C1orf94: variants seen among roughly 807,000 people sequenced by gnomAD.
C1orf94 encodes the protein chromosome 1 open reading frame 94.
A neutral mutation model predicts 53.6 loss-of-function variants in C1orf94; 45 were observed. That is an observed-to-expected ratio of 0.84 (90% CI 0.66 to 1.08). C1orf94 has a LOEUF of 1.08. C1orf94 is among the 50% of genes least tolerant of loss of function. The pLI, the probability that C1orf94 is intolerant of heterozygous loss-of-function variation, is 0.00. For synonymous variants in C1orf94, 304 were observed against 296.1 expected (o/e 1.03, Z -0.27); for missense variants, 762 against 738.9 (o/e 1.03, Z -0.36).
upstream of C1orf94, among the ~76,000 whole-genome samples, chr1:34,173,669 T>G (rs907123795): frequency 6.6e-6 from 1 of 152,192 alleles, no homozygotes; most frequent in Non-Finnish European, 1.5e-5. Flanking sequence ...GTAAAACAAG[T>G]CTATGAGGTC....
intron 5 of C1orf94, among the ~76,000 whole-genome samples, chr1:34,210,082 C>G (rs1013040276): frequency 6.6e-6 from 1 of 152,150 alleles, no homozygotes; most frequent in African/African-American, 2.4e-5. Flanking sequence ...GAGCAGGCTA[C>G]AAAGCTCTAC....
At chr1:34,202,561 A>G (rs1642729959) in intron 4 of C1orf94, among the ~76,000 whole-genome samples, 1 of 152,164 alleles carries the variant, frequency 6.6e-6, no homozygotes, top group South Asian at 2.1e-4. Flanking sequence ...ATTCCAGTTC[A>G]CACTGTGCTC....
At chr1:34,180,294 G>T (rs1224626870) in intron 1 of C1orf94, among the ~76,000 whole-genome samples, 6 of 152,124 alleles carry the variant, frequency 3.9e-5, no homozygotes, top group Non-Finnish European at 1.5e-5. Flanking sequence ...TACAATTATT[G>T]CATGAGGTAG....
chr1:34,173,594 ACATT>A (rs1642179010), upstream of C1orf94, among the ~76,000 whole-genome samples: 1 of 152,220 alleles, frequency 6.6e-6, no homozygotes. Flanking sequence ...ATGATAGCCA[ACATT>A]CACTGGATAC....
chr1:34,195,116 A>T (rs926386186), intron 1 of C1orf94, among the ~76,000 whole-genome samples: 1 of 152,120 alleles, frequency 6.6e-6, no homozygotes, highest in Non-Finnish European at 1.5e-5. Flanking sequence ...GACAGAAGAG[A>T]GAGTGGAGGG....
upstream of C1orf94, among the ~76,000 whole-genome samples, chr1:34,174,796 C>G (rs1403741895): frequency 6.6e-6 from 1 of 152,196 alleles, no homozygotes; most frequent in Non-Finnish European, 1.5e-5. Context: ...CCCTACCAAA[C>G]TAATACACCA....
At chr1:34,209,327 C>T (rs297801) in intron 5 of C1orf94, among the ~76,000 whole-genome samples, 51,457 of 150,158 alleles carry the variant, frequency 0.34, 10,402 homozygotes, top group African/African-American at 0.57. Flanking sequence ...CACATGCAGA[C>T]AGAAACACAG....
intron 5 of C1orf94, among the ~76,000 whole-genome samples, chr1:34,210,919 C>T (rs1327561471): frequency 1.3e-5 from 2 of 152,032 alleles, no homozygotes; most frequent in Non-Finnish European, 2.9e-5. Flanking sequence ...TCCCAAAGTG[C>T]TCGGTTACAG....
chr1:34,202,122 A>G lies in C1orf94; in HGVS notation c.1309A>G (p.Lys437Glu), dbSNP rs757921925. ...GACGGTTGCTGACAAGAACAACCCG[A>G]AGTACACAGGGAATGTTTTCACTCC... ...PVTVADKNNP[K>E]YTGNVFTPHF... Residue 437 changes from lysine (K) to glutamate (E), a missense_variant, in exon 4 of 7, where the codon AAG becomes GAG. Lys to Glu is a moderately conservative substitution (Grantham distance 56). Transcript: ENST00000488417. 6.2e-7 allele frequency: 1 copy of G among 1,614,100 alleles called. No homozygotes were observed. The highest frequency in any genetic ancestry group is 1.3e-5 in the African/African-American group (1 of 75,016).
chr1:34,196,702 T>C (rs1642590892), intron 1 of C1orf94, among the ~76,000 whole-genome samples: 1 of 152,148 alleles, frequency 6.6e-6, no homozygotes, highest in South Asian at 2.1e-4. Context: ...GGGAGTTGAC[T>C]GGATCAGGGT....
rs936412735 is a variant in C1orf94 at position 34,176,965 on chromosome 1, G to A, written c.-825G>A. ...AAGAATTCCCCCGCTCGACGACGGC[G>A]AGGGTGTGGGAGCTACTGGCAGGCA... On this transcript the variant is annotated 5_prime_UTR_variant, in exon 1 of 7. Transcript: ENST00000488417. 3.3e-5 allele frequency among the ~76,000 whole-genome samples: 5 copies of A among 152,156 alleles called. No individual in the cohort carries two copies. Among genetic ancestry groups the A allele is most frequent in the Admixed American group, 6.5e-5 (1 of 15,288 alleles).
At chr1:34,169,795 G>A (rs947683001) in intron 1 of C1orf94, among the ~76,000 whole-genome samples, 2 of 152,232 alleles carry the variant, frequency 1.3e-5, no homozygotes, top group Non-Finnish European at 1.5e-5. Context: ...TCAGGCCAAA[G>A]CGAGTATCTC....
chr1:34,172,638 A>C (rs913518750), upstream of C1orf94, among the ~76,000 whole-genome samples: 13 of 152,236 alleles, frequency 8.5e-5, no homozygotes, highest in South Asian at 2.1e-4. Context: ...GGCAATAGTA[A>C]GGGAAAAACC....
At position 34,202,073 on chromosome 1, in the gene C1orf94, G is replaced by C. The variant is rs1642716539; in HGVS notation, c.1271-11G>C. 6.2e-7 allele frequency: 1 copy of C among 1,611,492 alleles called. No homozygotes were observed. The highest frequency in any genetic ancestry group is 8.5e-7 in the Non-Finnish European group (1 of 1,178,750). Reference sequence around the variant, plus strand: ...ATCACTGACCCGCTTTGCCTCTCCTGTGACTTGCAGTTAACGCACCTGTGA... The same window carrying C: ...ATCACTGACCCGCTTTGCCTCTCCTCTGACTTGCAGTTAACGCACCTGTGA... On this transcript the variant is annotated splice_polypyrimidine_tract_variant and intron_variant, in intron 3 of 6. Transcript: ENST00000488417.
rs1034759939 is a variant in C1orf94 at position 34,177,050 on chromosome 1, T to C, written c.-740T>C. On this transcript the variant is annotated 5_prime_UTR_variant, in exon 1 of 7. Coordinates refer to ENST00000488417, the MANE Select transcript of C1orf94 (RefSeq NM_001134734.2). The stretch of plus-strand genomic sequence containing the variant: ...CCGAGTCAGCGCGCTCTTGAGCCGC[T>C]GGGCCCTTCCCGGTGCCCGCCTGGC... 6.6e-6 allele frequency among the ~76,000 whole-genome samples: 1 copy of C among 152,208 alleles called. No homozygotes were observed. The highest frequency in any genetic ancestry group is 2.4e-5 in the African/African-American group (1 of 41,458).
chr1:34,214,970 A>T (rs1341515580), intron 6 of C1orf94, among the ~76,000 whole-genome samples: 1 of 152,210 alleles, frequency 6.6e-6, no homozygotes, highest in Non-Finnish European at 1.5e-5. Flanking sequence ...AGCACCTTGT[A>T]TGTGCCTGGC....
Position 34,178,018 on chromosome 1 carries a change from C to T in C1orf94, c.229C>T (p.Pro77Ser), listed in dbSNP as rs530078092. ...AATCTGGAAGAGAGTTCAAGGCCTG[C>T]CTGAGGCCTCACAGCCCTGGACCTC... ...HEIWKRVQGLPEASQPWTSME... is the reference protein window; with the variant it reads ...HEIWKRVQGLSEASQPWTSME... The change falls in exon 1 of 7, where the codon CCT becomes TCT. Residue 77 changes from proline to serine, a missense_variant. Coordinates refer to ENST00000488417, the MANE Select transcript of C1orf94 (RefSeq NM_001134734.2). 2 of 1,551,734 alleles carry T rather than the reference C, an allele frequency of 1.3e-6. No individual in the cohort carries two copies. Among genetic ancestry groups the T allele is most frequent in the Non-Finnish European group, 1.7e-6 (2 of 1,146,998 alleles).
intron 1 of C1orf94, among the ~76,000 whole-genome samples, chr1:34,171,902 C>T (rs966044780): frequency 6.6e-6 from 1 of 152,190 alleles, no homozygotes; most frequent in Non-Finnish European, 1.5e-5. Flanking sequence ...CTGACCAGTT[C>T]GGGTGCTGGA....
intron 4 of C1orf94, among the ~76,000 whole-genome samples, chr1:34,207,119 G>A (rs567464738): frequency 2.0e-5 from 3 of 152,116 alleles, no homozygotes; most frequent in South Asian, 2.1e-4. Context: ...GCAGCCTCTC[G>A]GGCAGCAGAT....
Sources: gnomAD v4.1 joint callset for allele counts (sites outside exome capture counted in the v4.1 genomes callset) on GRCh38, gnomAD v4.1.1 for gene constraint, MANE v1.5 for transcripts, NCBI Gene and HGNC (gene_info 2026-07-23, HGNC 2026-07-21) for gene names.